Variants in ZNF793 observed in about 807,000 individuals in gnomAD.
ZNF793 encodes zinc finger protein 793.
A neutral mutation model predicts 12.4 loss-of-function variants in ZNF793; 5 were observed. The observed-to-expected ratio is 0.40, with a 90% CI of 0.21 to 0.84. ZNF793 has a LOEUF of 0.84. ZNF793 is among the 40% of genes least tolerant of loss of function. ZNF793 has a pLI of 0.35. For missense variants in ZNF793, 456 were observed against 495.0 expected (o/e 0.92, Z 0.75); for synonymous variants, 162 against 172.4 (o/e 0.94, Z 0.47).
intron 4 of ZNF793, among the ~76,000 whole-genome samples, 163 bp from the exon 5 acceptor site, chr19:37,523,247 C>T (rs932788063): frequency 1.2e-4 from 18 of 152,126 alleles, no homozygotes; most frequent in African/African-American, 4.1e-4. Context: ...TGGTCCCTAA[C>T]TCCTGGCCTC....
chr19:37,532,249 C>A, intron 5 of ZNF793, 107 bp from the exon 6 acceptor site: 2 of 1,295,116 alleles, frequency 1.5e-6, no homozygotes, highest in Non-Finnish European at 2.1e-6. Flanking sequence ...CCTGATCCTC[C>A]CACCTTGGCC....
intron 5 of ZNF793, among the ~76,000 whole-genome samples, chr19:37,524,708 C>T (rs2042400315): frequency 6.6e-6 from 1 of 152,204 alleles, no homozygotes; most frequent in South Asian, 2.1e-4. Context: ...ACCTGGGCGT[C>T]TCCTGGGAGC....
rs988930257 is a variant in ZNF793, at chr19:37,538,200, C to T, written c.*321C>T. On this transcript the variant is annotated 3_prime_UTR_variant, in exon 8 of 8. Coordinates refer to ENST00000627814, the MANE Select transcript of ZNF793 (RefSeq NM_001013659.3). ...AAAGTGCTGGGATTACAGGCGTGAG[C>T]CACCGCGCCTGGCCGGTATGTAGGG... 1.8e-5 allele frequency: 4 copies of T among 228,092 alleles called. No individual in the cohort carries two copies. Among genetic ancestry groups the T allele is most frequent in the South Asian group, 9.1e-5 (1 of 10,986 alleles). The allele number at this position is 228,092 out of a possible 1,614,324, so 14.1% of individuals were successfully genotyped here.
At chr19:37,511,804 G>T (rs1257454808) in intron 2 of ZNF793, among the ~76,000 whole-genome samples, 1 of 152,214 alleles carries the variant, frequency 6.6e-6, no homozygotes, top group African/African-American at 2.4e-5. Context: ...TGGGTTTCTA[G>T]TAGGGTCCCA....
Position 37,522,057 on chromosome 19 carries a change from A to G in ZNF793, c.-146-475A>G, listed in dbSNP as rs539968563. On this transcript the variant is annotated intron_variant, in intron 3 of 7. Coordinates refer to ENST00000627814, the MANE Select transcript of ZNF793 (RefSeq NM_001013659.3). ...TAACCAGTAGTTTTCAAAACCAGGC[A>G]TTTGACACTGATTACAAAGTCAGTG... Among the ~76,000 whole-genome samples the G allele has an allele frequency of 4.5e-4, 69 of 152,264 alleles. No individual in the cohort carries two copies. The South Asian group carries it at 5.4e-3, about 12-fold the overall frequency.
At chr19:37,532,215 T>TG (rs1182728897) in intron 5 of ZNF793, 141 bp from the exon 6 acceptor site, 1 of 872,598 alleles carries the variant, frequency 1.1e-6, no homozygotes, top group Non-Finnish European at 1.8e-6. Flanking sequence ...GGTTTCACCA[T>TG]GTTTGCCAGG....
rs139894049 is a variant in ZNF793 at position 37,518,373 on chromosome 19, C to T, written c.-275-1811C>T. Among the ~76,000 whole-genome samples, 1,427 of 152,094 alleles carry T rather than the reference C, an allele frequency of 9.4e-3. 12 individuals carry two copies. The highest frequency in any genetic ancestry group is 0.025 in the African/African-American group (1,024 of 41,488). ...AACTCCTGACCTCAGTTGATCTGCC[C>T]GCCTTGGCCTCCCAAAGTGCTGGCA... On this transcript the variant is annotated intron_variant, in intron 2 of 7. Transcript: ENST00000627814.
intron 5 of ZNF793, among the ~76,000 whole-genome samples, chr19:37,524,291 A>AT (rs2042397213): frequency 6.6e-6 from 1 of 151,982 alleles, no homozygotes; most frequent in African/African-American, 2.4e-5. Flanking sequence ...TGTTATCTTT[A>AT]TTTTTTGTAA....
At chr19:37,516,238 G>A (rs567701943) in intron 2 of ZNF793, among the ~76,000 whole-genome samples, 1 of 152,180 alleles carries the variant, frequency 6.6e-6, no homozygotes, top group South Asian at 2.1e-4. Flanking sequence ...GGGTTCAGGC[G>A]ATTCTTCTGC....
rs1294114453 is a variant in ZNF793, at chr19:37,539,546, T to C, written c.*1667T>C. On this transcript the variant is annotated 3_prime_UTR_variant, in exon 8 of 8. Coordinates refer to ENST00000627814, the MANE Select transcript of ZNF793 (RefSeq NM_001013659.3). ...TTGCTATGTCATCCATATTAGAAAA[T>C]AAATGGCCATGTGGAATCTACATTT... is the stretch of plus-strand genomic sequence containing the variant. The C allele has an allele frequency of 6.6e-6, 1 of 152,112 alleles. No individual in the cohort carries two copies. The highest frequency in any genetic ancestry group is 1.5e-5 in the Non-Finnish European group (1 of 68,022). The allele number at this position is 152,112 out of a possible 1,614,324, so 9.4% of individuals were successfully genotyped here.
chr19:37,514,933 C>T (rs183206189), intron 2 of ZNF793, among the ~76,000 whole-genome samples: 2 of 152,316 alleles, frequency 1.3e-5, no homozygotes, highest in African/African-American at 4.8e-5. Context: ...AATTCAACAT[C>T]TGTTCTGGAT....
rs2042273586 is a variant in ZNF793, at chr19:37,509,102, A to G, written c.-276+699A>G. On this transcript the variant is annotated intron_variant, in intron 2 of 7. Coordinates refer to ENST00000627814, the MANE Select transcript of ZNF793 (RefSeq NM_001013659.3). ...AAATGGAAATAAGATTTGAAAAAAT[A>G]GATTTAGGGGATATAAGTGCAGTTT... 5.2e-5 allele frequency among the ~76,000 whole-genome samples: 8 copies of G among 152,384 alleles called. No homozygotes were observed. The South Asian group carries it at 1.7e-3, about 32-fold the overall frequency.
intron 5 of ZNF793, among the ~76,000 whole-genome samples, chr19:37,525,944 C>T (rs1181316812): frequency 6.6e-6 from 1 of 152,180 alleles, no homozygotes; most frequent in Admixed American, 6.5e-5. Flanking sequence ...TCCCAGCCCC[C>T]AAGGGCCCTG....
chr19:37,527,956 T>TGAA (rs971150004), intron 5 of ZNF793, among the ~76,000 whole-genome samples: 1 of 147,598 alleles, frequency 6.8e-6, no homozygotes. Context: ...CTGTCTCTAC[T>TGAA]GAAAAAAAAA....
At chr19:37,518,630 C>CA (rs61641247) in intron 2 of ZNF793, among the ~76,000 whole-genome samples, 8,998 of 84,250 alleles carry the variant, frequency 0.11, 514 homozygotes, top group African/African-American at 0.18. Context: ...CCTGTCTCTA[C>CA]AAAAAAAAAA....
At chr19:37,526,174 CA>C (rs2042414129) in intron 5 of ZNF793, among the ~76,000 whole-genome samples, 1 of 152,082 alleles carries the variant, frequency 6.6e-6, no homozygotes, top group Non-Finnish European at 1.5e-5. Context: ...TTTTTTGAAA[CA>C]GGGTCTTACT....
intron 7 of ZNF793, chr19:37,534,343 T>G (rs547406208): frequency 1.3e-5 from 2 of 152,382 alleles, no homozygotes; most frequent in South Asian, 4.1e-4. Flanking sequence ...CCTTTTGCCA[T>G]GTTGGGCCCT....
Position 37,538,166 on chromosome 19 carries a change from T to C in ZNF793, c.*287T>C, listed in dbSNP as rs572498900. The C allele has an allele frequency of 0.014, 3,967 of 288,318 alleles. 42 individuals are homozygous for C. The highest frequency in any genetic ancestry group is 0.02 in the Non-Finnish European group (3,015 of 154,192). The allele number at this position is 288,318 out of a possible 1,614,324, so 17.9% of individuals were successfully genotyped here. A position where few individuals can be genotyped will look rare whatever the true frequency, so the allele number is the denominator to read the frequency against. ...TCCTGACCTTGTGATCTGCCCGCCT[T>C]GTCCTCCCAAAGTGCTGGGATTACA... is the stretch of plus-strand genomic sequence containing the variant. On this transcript the variant is annotated 3_prime_UTR_variant, in exon 8 of 8. Coordinates refer to ENST00000627814, the MANE Select transcript of ZNF793 (RefSeq NM_001013659.3).
chr19:37,531,200 C>G (rs987731207), intron 5 of ZNF793, among the ~76,000 whole-genome samples: 1 of 151,714 alleles, frequency 6.6e-6, no homozygotes, highest in Non-Finnish European at 1.5e-5. Flanking sequence ...AGAGTCTCAC[C>G]CTGTCCTCCA....
Sources: gnomAD v4.1 joint callset for allele counts (sites outside exome capture counted in the v4.1 genomes callset) on GRCh38, gnomAD v4.1.1 for gene constraint, MANE v1.5 for transcripts, NCBI Gene and HGNC (gene_info 2026-07-23, HGNC 2026-07-21) for gene names.